Variants in MST1 observed in about 807,000 individuals in gnomAD.
MST1 encodes the protein hepatocyte growth factor-like protein.
In MST1, 76 loss-of-function variants were observed where a neutral mutation model predicts 100.1. The observed-to-expected ratio is 0.76, with a 90% CI of 0.63 to 0.92. The LOEUF (loss-of-function observed/expected upper bound fraction) is 0.92. MST1 is among the 40% of genes least tolerant of loss of function. The pLI, the probability that MST1 is intolerant of heterozygous loss-of-function variation, is 0.00. For missense variants in MST1, 850 were observed against 990.0 expected (o/e 0.86, Z 1.90); for synonymous variants, 352 against 385.4 (o/e 0.91, Z 1.01).
chr3:49,684,227 A>T, intron 17 of MST1, 38 bp from the exon 18 acceptor site: 1 of 1,609,284 alleles, frequency 6.2e-7, no homozygotes, highest in East Asian at 2.2e-5. Flanking sequence ...CCCGGGCCAC[A>T]GCAATGACTA....
Position 49,687,058 on chromosome 3 carries a change from A to G in MST1, c.617T>C (p.Val206Ala). ...GCGGTATTCCTCGCCATTGCACCAGACACACGCGGCTGGAGACAAAGAGCC... is the reference window on the plus strand; with the variant it reads ...GCGGTATTCCTCGCCATTGCACCAGGCACACGCGGCTGGAGACAAAGAGCC... The part of the protein sequence containing the change: ...GIKSCREAAC[V>A]WCNGEEYRGA... Residue 206 changes from valine (V) to alanine (A), a missense_variant, in exon 6 of 18, where the codon GTC becomes GCC. Physicochemically the swap from Val to Ala is moderately conservative, Grantham distance 64. Around this residue, in one of 2 missense-constraint regions of MST1, gnomAD observed 816 missense variants for 924.6 expected, o/e 0.88. Coordinates refer to ENST00000449682, the MANE Select transcript of MST1 (RefSeq NM_020998.4). 1.9e-6 allele frequency: 3 copies of G among 1,611,110 alleles called. No homozygotes were observed. Among genetic ancestry groups the G allele is most frequent in the Non-Finnish European group, 2.5e-6 (3 of 1,179,716 alleles).
At chr3:49,685,772 C>A in intron 10 of MST1, 40 bp from the exon 11 acceptor site, 3 of 1,612,882 alleles carry the variant, frequency 1.9e-6, no homozygotes, top group Non-Finnish European at 2.5e-6. Context: ...AGGGTAGTCT[C>A]AACCATTTCC....
At chr3:49,684,272 C>T (rs2053495654) in intron 17 of MST1, 42 bp downstream of exon 17, 1 of 1,611,624 alleles carries the variant, frequency 6.2e-7, no homozygotes, top group Non-Finnish European at 8.5e-7. Context: ...ATTTCTAGCC[C>T]CCCATACCCT....
chr3:49,686,217 T>A (rs1466389256), intron 8 of MST1, 25 bp from the exon 9 acceptor site: 7 of 1,605,578 alleles, frequency 4.4e-6, no homozygotes, highest in African/African-American at 1.4e-5. Context: ...CACTCAGCCC[T>A]AGCCCGCCAG....
Position 49,684,070 on chromosome 3 carries a change from A to G in MST1, c.2136T>C (p.Ser712=), listed in dbSNP as rs1366182236. 1.9e-6 allele frequency: 3 copies of G among 1,613,430 alleles called. No homozygotes were observed. Among genetic ancestry groups the G allele is most frequent in the African/African-American group, 2.7e-5 (2 of 75,048 alleles). ...CCTTGTGAATCCAGTCCACAAACAC[A>G]GAGACACGCGTGAAGACAGCTGGCC... ...SRWPAVFTRV[S]VFVDWIHKVM... The change falls in exon 18 of 18, where the codon TCT becomes TCC. Residue 712 remains serine, a synonymous_variant. Transcript: ENST00000449682.
intron 12 of MST1, 23 bp downstream of exon 12, chr3:49,685,448 C>G: frequency 1.9e-6 from 3 of 1,613,026 alleles, no homozygotes; most frequent in African/African-American, 1.3e-5. Context: ...AGGGCCTGAC[C>G]CATAACTGGC....
In MST1 at chr3:49,687,750, C is replaced by T. The variant is rs1040819488; in HGVS notation, c.242G>A (p.Arg81Gln). The T allele has an allele frequency of 4.3e-6, 7 of 1,613,548 alleles. No individual in the cohort carries two copies. Among genetic ancestry groups the T allele is most frequent in the African/African-American group, 4.0e-5 (3 of 75,056 alleles). ...TTATCTAGGCCCAGTGGCCACTCAC[C>T]GGCAGTCCATTAAGGGCCCACAGCG... ...AGRCGPLMDC[R>Q]AFHYNVSSHG... The change falls in exon 2 of 18, where the codon CGG becomes CAG. Residue 81 changes from arginine (R) to glutamine (Q), a missense_variant and splice_region_variant. By Grantham distance (43) the Arg-to-Gln change is conservative. This residue lies in a region of MST1 where 816 missense variants were observed against 924.6 expected (regional missense o/e 0.88). Coordinates refer to ENST00000449682, the MANE Select transcript of MST1 (RefSeq NM_020998.4).
rs1445078944 is a variant in MST1, at chr3:49,685,252, T to C, written c.1544+10A>G. The C allele has an allele frequency of 1.2e-6, 2 of 1,612,914 alleles. No homozygotes were observed. The highest frequency in any genetic ancestry group is 1.3e-5 in the African/African-American group (1 of 74,904). The stretch of plus-strand genomic sequence containing the variant: ...CTCCTCTCTGTGGGAGACAGGCAGT[T>C]GTGCCTCACCGATTCCGCAAGCTGA... On this transcript the variant is annotated intron_variant, in intron 13 of 17. Coordinates refer to ENST00000449682, the MANE Select transcript of MST1 (RefSeq NM_020998.4).
rs2053618514 is a variant in MST1 at position 49,685,317 on chromosome 3, G to A, written c.1489C>T (p.Arg497Cys). 5 of 1,613,342 alleles carry A rather than the reference G, an allele frequency of 3.1e-6. No homozygotes were observed. The highest frequency in any genetic ancestry group is 1.3e-5 in the African/African-American group (1 of 75,036). ...TTGCCCGGATGGCCCCCAACCACGC[G>A]CAGCTTGGAACGCCGCTGATCCAGC... ...DRLDQRRSKL[R>C]VVGGHPGNSP... Residue 497 changes from arginine (R) to cysteine (C), a missense_variant, in exon 13 of 18, where the codon CGC becomes TGC. Arg to Cys is a radical substitution (Grantham distance 180). This residue lies in a region of MST1 where 816 missense variants were observed against 924.6 expected (regional missense o/e 0.88). Transcript: ENST00000449682.
chr3:49,686,059 C>T lies in MST1; in HGVS notation c.1147+3G>A, dbSNP rs2053705207. 1 of 1,609,518 alleles carries T rather than the reference C, an allele frequency of 6.2e-7. No homozygotes were observed. Among genetic ancestry groups the T allele is most frequent in the Non-Finnish European group, 8.5e-7 (1 of 1,178,982 alleles). On this transcript the variant is annotated splice_donor_region_variant and intron_variant, in intron 9 of 17. Transcript: ENST00000449682. ...CTCTGTAGCCCCCAAGCTTGGGCCT[C>T]ACCCTGGGGCCGCACGTCGTCTGTA...
rs1456342483 is a variant in MST1 at position 49,686,623 on chromosome 3, C to G, written c.847+61G>C. ...GCCCAGCCCCTCTTACCTCCCCGGC[C>G]AAGCCACGCCCCTCCCCAAGGTTCC... On this transcript the variant is annotated intron_variant, in intron 7 of 17. Transcript: ENST00000449682. 57 of 1,549,374 alleles carry G rather than the reference C, an allele frequency of 3.7e-5. No homozygotes were observed. In the African/African-American group the frequency reaches 7.1e-4, roughly 19 times the overall value.
In MST1 at chr3:49,683,983, CAAG is replaced by C; in HGVS notation, c.*42_*44del. 3.1e-6 allele frequency: 5 copies of C among 1,594,312 alleles called. No individual in the cohort carries two copies. Among genetic ancestry groups the C allele is most frequent in the Admixed American group, 1.7e-5 (1 of 57,572 alleles). On this transcript the variant is annotated 3_prime_UTR_variant, in exon 18 of 18. Coordinates refer to ENST00000449682, the MANE Select transcript of MST1 (RefSeq NM_020998.4). ...AGAGGAAACATGGCTTTATGTCTGA[CAAG>C]AAGTTTTGTCCTCCCCAAGGCATAT...
At position 49,687,183 on chromosome 3, in the gene MST1, G is replaced by A. The variant is rs1241175749; in HGVS notation, c.573C>T (p.Arg191=). 2 of 1,613,330 alleles carry A rather than the reference G, an allele frequency of 1.2e-6. No homozygotes were observed. Among genetic ancestry groups the A allele is most frequent in the Non-Finnish European group, 8.5e-7 (1 of 1,179,882 alleles). ...PWCYTTDPAV[R]FQSCGIKSCR... is the part of the protein sequence containing the mutation. ...AGGATTTGATGCCGCAGCTCTGGAA[G>A]CGCACAGCAGGGTCTGTTGTGTAGC... Residue 191 remains arginine (R), a synonymous_variant, in exon 5 of 18, where the codon CGC becomes CGT. Transcript: ENST00000449682.
At position 49,687,279 on chromosome 3, in the gene MST1, C is replaced by T; in HGVS notation, c.477G>A (p.Thr159=). 1.2e-6 allele frequency: 2 copies of T among 1,613,506 alleles called. No homozygotes were observed. The highest frequency in any genetic ancestry group is 2.2e-5 in the South Asian group (2 of 91,078). ...CTTCCAGGCCATTCCGGAGAGTGGG[C>T]GTGTACCTGAGGGCCCAGAGCATCA... The part of the protein sequence containing the change: ...SHKFPNDHKY[T]PTLRNGLEEN... The change falls in exon 5 of 18, where the codon ACG becomes ACA. Residue 159 remains threonine, a synonymous_variant. Transcript: ENST00000449682.
chr3:49,683,981 G>C lies in MST1; in HGVS notation c.*47C>G, dbSNP rs1334920487. On this transcript the variant is annotated 3_prime_UTR_variant, in exon 18 of 18. Coordinates refer to ENST00000449682, the MANE Select transcript of MST1 (RefSeq NM_020998.4). Reference sequence around the variant, plus strand: ...AAAGAGGAAACATGGCTTTATGTCTGACAAGAAGTTTTGTCCTCCCCAAGG... The same window carrying C: ...AAAGAGGAAACATGGCTTTATGTCTCACAAGAAGTTTTGTCCTCCCCAAGG... 3 of 1,593,060 alleles carry C rather than the reference G, an allele frequency of 1.9e-6. No homozygotes were observed. The highest frequency in any genetic ancestry group is 3.5e-5 in the Admixed American group (2 of 57,494).
In MST1 at chr3:49,686,109, G is replaced by A. The variant is rs2087732; in HGVS notation, c.1100C>T (p.Ala367Val). ...ACAACGCCGGATCTGGTAGCAAAAGGCCGCGCGCATGCCGGGCCGCAGTGT... is the reference window on the plus strand; with the variant it reads ...ACAACGCCGGATCTGGTAGCAAAAGACCGCGCGCATGCCGGGCCGCAGTGT... ...CFTLRPGMRA[A>V]FCYQIRRCTD... Residue 367 changes from alanine (A) to valine (V), a missense_variant, in exon 9 of 18, where the codon GCC (alanine) becomes GTC (valine). Transcript: ENST00000449682. 9 of 1,610,390 alleles carry A rather than the reference G, an allele frequency of 5.6e-6. No individual in the cohort carries two copies. In the African/African-American group the frequency reaches 8.0e-5, roughly 14 times the overall value.
At position 49,687,446 on chromosome 3, in the gene MST1, C is replaced by A; in HGVS notation, c.388G>T (p.Val130Phe). 2 of 1,613,428 alleles carry A rather than the reference C, an allele frequency of 1.2e-6. No individual in the cohort carries two copies. Among genetic ancestry groups the A allele is most frequent in the Middle Eastern group, 1.7e-4 (1 of 6,056 alleles). ...YVRTCIMNNG[V>F]GYRGTMATTV... ...GTGGCCATGGTGCCCCGGTACCCAA[C>A]CCCATTGTTCATGATGCAGGTCCGT... The change falls in exon 4 of 18, where the codon GTT (valine) becomes TTT (phenylalanine). Residue 130 changes from valine (V) to phenylalanine (F), a missense_variant. By Grantham distance (50) the Val-to-Phe change is conservative. Coordinates refer to ENST00000449682, the MANE Select transcript of MST1 (RefSeq NM_020998.4).
rs142824153 is a variant in MST1 at position 49,684,356 on chromosome 3, C to A, written c.1974G>T (p.Glu658Asp). 5.1e-5 allele frequency: 82 copies of A among 1,613,278 alleles called. 1 individual carries two copies. The highest frequency in any genetic ancestry group is 4.9e-4 in the South Asian group (45 of 91,078). ...IKHRGRVRES[E>D]MCTEGLLAPV... is the part of the protein sequence containing the mutation. ...GGGCCAACAGTCCCTCAGTGCACAT[C>A]TCACTCTCCCGCACACGTCCTCGGT... The change falls in exon 17 of 18, where the codon GAG becomes GAT. Residue 658 changes from glutamate (E) to aspartate (D), a missense_variant. Glu to Asp is a conservative substitution (Grantham distance 45, BLOSUM62 2). Transcript: ENST00000449682.
rs1281501452 is a variant in MST1, at chr3:49,688,670, C to G, written c.22G>C (p.Val8Leu). 2 of 1,609,456 alleles carry G rather than the reference C, an allele frequency of 1.2e-6. No homozygotes were observed. Among genetic ancestry groups the G allele is most frequent in the South Asian group, 1.1e-5 (1 of 89,884 alleles). The change falls in exon 1 of 18, where the codon GTG (valine) becomes CTG (leucine). Residue 8 changes from valine to leucine, a missense_variant. Physicochemically the swap from Val to Leu is conservative, Grantham distance 32 (BLOSUM62 1). Transcript: ENST00000449682. MGLWWVTVQPPARRMGWL... is the reference protein window; with the variant it reads MGLWWVTLQPPARRMGWL... ...CCCATCCTTCTGGCTGGAGGCTGCA[C>G]TGTGACCCACCACAGCCCCATCCGG...
Sources: allele counts gnomAD v4.1 joint callset, GRCh38; gene constraint gnomAD v4.1.1; regional missense constraint gnomAD v4.1.1; transcripts MANE v1.5; gene names NCBI Gene and HGNC (gene_info 2026-07-23, HGNC 2026-07-21).